The following PHEX variants were observed in gnomAD, a reference collection of about 807,000 sequenced individuals.
PHEX encodes phosphate-regulating neutral endopeptidase PHEX.
A neutral mutation model predicts 68.0 loss-of-function variants in PHEX; 16 were observed. The observed-to-expected ratio is 0.24, with a 90% CI of 0.16 to 0.36. The LOEUF is 0.36. Ranked by LOEUF, PHEX falls within the 10% of genes least tolerant of loss-of-function variation. PHEX has a pLI of 1.00. For missense variants in PHEX, 480 were observed against 575.5 expected, an observed-to-expected ratio of 0.83 and a Z score of 1.70; for synonymous variants, 208 against 205.1, an observed-to-expected ratio of 1.01 and a Z score of -0.12.
At chrX:22,141,593 A>C (rs887053606) in intron 12 of PHEX, among the ~76,000 whole-genome samples, 10 of 110,691 alleles carry the variant, frequency 9.0e-5, no homozygotes, top group African/African-American at 3.0e-4. Context: ...AAAAAAAAAA[A>C]CCCTCATCCC....
At chrX:22,154,386 G>A (rs763366015) in intron 12 of PHEX, among the ~76,000 whole-genome samples, 2 of 111,086 alleles carry the variant, frequency 1.8e-5, no homozygotes, top group African/African-American at 3.3e-5. Flanking sequence ...CAAGTACCAT[G>A]ATCTACAGCA....
chrX:22,064,755 A>G (rs777188497), intron 3 of PHEX, among the ~76,000 whole-genome samples: 1 of 112,428 alleles, frequency 8.9e-6, no homozygotes, highest in South Asian at 3.7e-4. Context: ...GGTAAATGCA[A>G]AGGAAGAAAG....
chrX:22,136,074 A>T (rs1457747426), intron 12 of PHEX, among the ~76,000 whole-genome samples: 1 of 107,819 alleles, frequency 9.3e-6, no homozygotes, highest in Non-Finnish European at 1.9e-5. Context: ...TTAAATGAAC[A>T]TGCAGTTCTT....
At chrX:22,145,042 A>G (rs1488148172) in intron 12 of PHEX, among the ~76,000 whole-genome samples, 3 of 111,933 alleles carry the variant, frequency 2.7e-5, no homozygotes, top group African/African-American at 9.7e-5. Context: ...GGATAAGAAG[A>G]CTTCATAGGC....
intron 7 of PHEX, among the ~76,000 whole-genome samples, chrX:22,095,433 G>T (rs1387236887): frequency 8.9e-6 from 1 of 112,381 alleles, no homozygotes; most frequent in African/African-American, 3.2e-5. Flanking sequence ...GCTGAGGCAA[G>T]ACTGGGAATT....
intron 11 of PHEX, among the ~76,000 whole-genome samples, chrX:22,133,017 G>A (rs1415272458): frequency 2.7e-5 from 3 of 110,906 alleles, no homozygotes; most frequent in Non-Finnish European, 5.7e-5. Flanking sequence ...CTCCTGAGTA[G>A]CTGGGACTAA....
intron 20 of PHEX, among the ~76,000 whole-genome samples, chrX:22,232,789 C>T (rs963319941): frequency 3.7e-5 from 4 of 108,911 alleles, no homozygotes; most frequent in African/African-American, 1.0e-4. Context: ...GCATTTAGCC[C>T]ATTTACATTT....
At chrX:22,161,058 C>T (rs1022962431) in intron 12 of PHEX, among the ~76,000 whole-genome samples, 1 of 110,681 alleles carries the variant, frequency 9.0e-6, no homozygotes, top group Admixed American at 9.6e-5. Flanking sequence ...GATGCTTGAA[C>T]CCGAGAGGTG....
At chrX:22,035,651 A>G (rs73195191) in intron 1 of PHEX, among the ~76,000 whole-genome samples, 25,756 of 110,570 alleles carry the variant, frequency 0.23, 2,522 homozygotes, top group African/African-American at 0.34. Context: ...TTTGACCTAC[A>G]GGCCATAGTT....
intron 5 of PHEX, among the ~76,000 whole-genome samples, chrX:22,078,697 C>T (rs950798111): frequency 9.0e-6 from 1 of 111,518 alleles, no homozygotes; most frequent in African/African-American, 3.3e-5. Flanking sequence ...GTTTGCAGGC[C>T]GTCTGGTCTC....
intron 3 of PHEX, among the ~76,000 whole-genome samples, chrX:22,074,707 G>A (rs1602272340): frequency 9.0e-6 from 1 of 110,988 alleles, no homozygotes; most frequent in African/African-American, 3.3e-5. Flanking sequence ...TACAGGAGCC[G>A]ATTTGAATGG....
intron 8 of PHEX, among the ~76,000 whole-genome samples, chrX:22,098,509 G>C (rs756162836): frequency 1.2e-4 from 13 of 107,613 alleles, no homozygotes; most frequent in African/African-American, 4.1e-4. Flanking sequence ...AGGTCAGGCC[G>C]AGCATGGTGG....
chrX:22,067,719 A>T (rs970149996), intron 3 of PHEX, among the ~76,000 whole-genome samples: 3 of 111,714 alleles, frequency 2.7e-5, no homozygotes, highest in Non-Finnish European at 3.8e-5. Context: ...CAGCATCAAC[A>T]TTACCTGGCA....
intron 7 of PHEX, among the ~76,000 whole-genome samples, chrX:22,094,995 T>C (rs1930070353): frequency 8.9e-6 from 1 of 112,018 alleles, no homozygotes. Flanking sequence ...TGCGTATGTG[T>C]TGGGAATCTT....
chrX:22,233,910 T>TTTAGCCTCTTTGTGCTGG (rs1210838322), intron 20 of PHEX, among the ~76,000 whole-genome samples: 1 of 112,330 alleles, frequency 8.9e-6, no homozygotes, highest in Non-Finnish European at 1.9e-5. Flanking sequence ...TTTTGTAACT[T>TTTAGCCTCTTTGTGCTGG]TTAGCCTCTT....
intron 15 of PHEX, among the ~76,000 whole-genome samples, chrX:22,193,955 C>G (rs1934284134): frequency 8.9e-6 from 1 of 112,065 alleles, no homozygotes; most frequent in African/African-American, 3.2e-5. Flanking sequence ...TGTAAGAGAT[C>G]AGCTCTGATG....
chrX:22,120,678 T>G (rs2147072349), intron 11 of PHEX, among the ~76,000 whole-genome samples: 1 of 111,762 alleles, frequency 8.9e-6, no homozygotes, highest in East Asian at 2.8e-4. Flanking sequence ...CAGGTATATC[T>G]TTGGCTCAGT....
At chrX:22,043,811 C>A (rs1159211782) in intron 2 of PHEX, among the ~76,000 whole-genome samples, 2 of 111,305 alleles carry the variant, frequency 1.8e-5, no homozygotes, top group Non-Finnish European at 3.8e-5. Flanking sequence ...GAAGAGTACA[C>A]AGCCTGAGCT....
chrX:22,068,455 C>A (rs1001919581), intron 3 of PHEX, among the ~76,000 whole-genome samples: 2 of 112,079 alleles, frequency 1.8e-5, no homozygotes, highest in African/African-American at 3.2e-5. Context: ...GGCATAGCTG[C>A]CTCTCATTTA....
Sources: gnomAD v4.1 joint callset for allele counts (sites outside exome capture counted in the v4.1 genomes callset) on GRCh38, gnomAD v4.1.1 for gene constraint, MANE v1.5 for transcripts, NCBI Gene and HGNC (gene_info 2026-07-23, HGNC 2026-07-21) for gene names.